CLEC7A: variants seen among roughly 807,000 people sequenced by gnomAD.
The protein encoded by CLEC7A is C-type lectin domain family 7 member A.
Under a neutral mutation model 26.9 loss-of-function variants are expected in CLEC7A, and 25 were observed. The observed-to-expected ratio is 0.93, with a 90% CI of 0.68 to 1.30. The LOEUF is 1.30. Among genes scored for constraint, CLEC7A ranks in the 50% most tolerant of loss-of-function variants. CLEC7A has a pLI of 0.00. For missense variants in CLEC7A, 275 were observed against 286.7 expected, an observed-to-expected ratio of 0.96 and a Z score of 0.29; for synonymous variants, 100 against 99.5, an observed-to-expected ratio of 1.01 and a Z score of -0.03.
At chr12:10,128,275 G>C (rs942430129) in intron 1 of CLEC7A, among the ~76,000 whole-genome samples, 25 of 149,596 alleles carry the variant, frequency 1.7e-4, no homozygotes, top group Admixed American at 1.3e-3. Flanking sequence ...AAAAATACTG[G>C]CAAATTTTTA....
chr12:10,118,555 G>A lies in CLEC7A; in HGVS notation c.647C>T (p.Pro216Leu). The change falls in exon 6 of 6, where the codon CCA (proline) becomes CTA (leucine). Residue 216 changes from proline to leucine, a missense_variant. Coordinates refer to ENST00000304084, the MANE Select transcript of CLEC7A (RefSeq NM_197947.3). The stretch of plus-strand genomic sequence containing the variant: ...GTGAATCCATACACAATTTGGAGAT[G>A]GGTTTTCTTGGGTAGCTGTGGTTCT... ...QIRTTATQEN[P>L]SPNCVWIHVS... 2 of 1,613,282 alleles carry A rather than the reference G, an allele frequency of 1.2e-6. No individual in the cohort carries two copies. The highest frequency in any genetic ancestry group is 4.5e-5 in the East Asian group (2 of 44,848).
In CLEC7A at chr12:10,124,440, T is replaced by A. The variant is rs181829809; in HGVS notation, c.492+857A>T. On this transcript the variant is annotated intron_variant, in intron 4 of 5. Coordinates refer to ENST00000304084, the MANE Select transcript of CLEC7A (RefSeq NM_197947.3). ...GATGTGTTATAAGTGCCACTTTTTCTGAAAACTTCTTAGGAACACGGGGAT... is the reference window on the plus strand; with the variant it reads ...GATGTGTTATAAGTGCCACTTTTTCAGAAAACTTCTTAGGAACACGGGGAT... Among the ~76,000 whole-genome samples the A allele has an allele frequency of 4.6e-5, 7 of 152,342 alleles. No individual in the cohort carries two copies. The East Asian group carries it at 1.3e-3, about 29-fold the overall frequency.
intron 3 of CLEC7A, 88 bp from the exon 4 acceptor site, chr12:10,125,536 G>T: frequency 9.1e-7 from 1 of 1,094,286 alleles, no homozygotes; most frequent in Non-Finnish European, 1.2e-6. Context: ...GGACACTTAT[G>T]AAATAACCAA....
intron 2 of CLEC7A, chr12:10,126,972 G>T: frequency 9.0e-7 from 1 of 1,109,528 alleles, no homozygotes; most frequent in South Asian, 1.7e-5. Flanking sequence ...AATGAGGGAG[G>T]CAGCAAGAGG....
At chr12:10,125,216 A>G in intron 4 of CLEC7A, 81 bp downstream of exon 4, 1 of 1,366,706 alleles carries the variant, frequency 7.3e-7, no homozygotes, top group East Asian at 2.3e-5. Flanking sequence ...ATTTTAGGAA[A>G]AATTGTCATT....
At chr12:10,126,907 G>A in intron 2 of CLEC7A, 199 bp from the exon 3 acceptor site, 1 of 639,186 alleles carries the variant, frequency 1.6e-6, no homozygotes, top group South Asian at 2.9e-5. Flanking sequence ...TTATAAAGGA[G>A]GTATAGTAAA....
At chr12:10,119,911 G>A (rs2137411182) in intron 5 of CLEC7A, among the ~76,000 whole-genome samples, 1 of 151,640 alleles carries the variant, frequency 6.6e-6, no homozygotes, top group Non-Finnish European at 1.5e-5. Context: ...AACAACTATG[G>A]TTAGTGTATT....
chr12:10,125,152 G>C, intron 4 of CLEC7A, 145 bp downstream of exon 4: 1 of 806,914 alleles, frequency 1.2e-6, no homozygotes, highest in Non-Finnish European at 2.0e-6. Flanking sequence ...CTGCACTCTA[G>C]CTTGGGCAAC....
chr12:10,122,410 A>G (rs1948115242), intron 5 of CLEC7A, among the ~76,000 whole-genome samples: 1 of 152,144 alleles, frequency 6.6e-6, no homozygotes, highest in Non-Finnish European at 1.5e-5. Flanking sequence ...AACTATGTAC[A>G]AGACACTGTG....
chr12:10,127,270 T>A, intron 2 of CLEC7A: 1 of 1,443,326 alleles, frequency 6.9e-7, no homozygotes, highest in East Asian at 2.3e-5. Flanking sequence ...CAAAGGTGTT[T>A]ATATTAAAGA....
intron 4 of CLEC7A, 98 bp downstream of exon 4, chr12:10,125,199 A>T: frequency 9.2e-7 from 1 of 1,090,494 alleles, no homozygotes; most frequent in Non-Finnish European, 1.3e-6. Context: ...AAAAAAAAAA[A>T]GACTTCATTT....
Position 10,118,176 on chromosome 12 carries a change from A to C in CLEC7A, c.*282T>G. ...AGCCTGGGTAACAAAGTGAGACCCT[A>C]TCTCAAAAAAATAAATAAATAAAAA... On this transcript the variant is annotated 3_prime_UTR_variant, in exon 6 of 6. Coordinates refer to ENST00000304084, the MANE Select transcript of CLEC7A (RefSeq NM_197947.3). 3.4e-6 allele frequency: 1 copy of C among 297,036 alleles called. No individual in the cohort carries two copies. Among genetic ancestry groups the C allele is most frequent in the Admixed American group, 5.5e-5 (1 of 18,126 alleles). 18.4% of individuals were successfully genotyped at this position (297,036 alleles called of 1,614,324 possible).
intron 1 of CLEC7A, among the ~76,000 whole-genome samples, 165 bp from the exon 2 acceptor site, chr12:10,128,010 A>G (rs1480446264): frequency 6.6e-6 from 1 of 151,408 alleles, no homozygotes; most frequent in African/African-American, 2.4e-5. Flanking sequence ...CAGAAGCTCA[A>G]GACCAGCCTG....
intron 4 of CLEC7A, among the ~76,000 whole-genome samples, chr12:10,123,685 C>T (rs943581004): frequency 1.4e-5 from 2 of 138,408 alleles, no homozygotes; most frequent in South Asian, 2.2e-4. Flanking sequence ...GGCATGAACC[C>T]GGGAAGCGGA....
upstream of CLEC7A, chr12:10,130,202 C>T: frequency 5.4e-6 from 3 of 550,480 alleles, no homozygotes; most frequent in Non-Finnish European, 9.9e-6. Flanking sequence ...TAGGTACTTA[C>T]CGGAGTTTAA....
chr12:10,121,170 G>A (rs58924693), intron 5 of CLEC7A, among the ~76,000 whole-genome samples: 23,210 of 151,730 alleles, frequency 0.15, 2,698 homozygotes, highest in African/African-American at 0.33. Flanking sequence ...GTCAGTTAAT[G>A]TTAGTCTTTG....
intron 5 of CLEC7A, among the ~76,000 whole-genome samples, chr12:10,120,765 T>C (rs1474477249): frequency 1.3e-5 from 2 of 150,346 alleles, no homozygotes; most frequent in Non-Finnish European, 3.0e-5. Flanking sequence ...TTCTTTTTTT[T>C]TTTTTTTAAT....
At chr12:10,123,532 C>A (rs201574007) in intron 4 of CLEC7A, among the ~76,000 whole-genome samples, 169 bp from the exon 5 acceptor site, 1 of 151,802 alleles carries the variant, frequency 6.6e-6, no homozygotes, top group African/African-American at 2.4e-5. Flanking sequence ...GAGGCCGAGG[C>A]GGGTAGATCA....
At chr12:10,122,484 C>CTTTTTTTTTTTTTTT (rs143612827) in intron 5 of CLEC7A, among the ~76,000 whole-genome samples, 67 of 128,752 alleles carry the variant, frequency 5.2e-4, no homozygotes, top group African/African-American at 9.4e-4. Flanking sequence ...TTCTTTTTTT[C>CTTTTTTTTTTTTTTT]TTTTTTTTTT....
Sources: gnomAD v4.1 joint callset for allele counts (sites outside exome capture counted in the v4.1 genomes callset) on GRCh38, gnomAD v4.1.1 for gene constraint, MANE v1.5 for transcripts, NCBI Gene and HGNC (gene_info 2026-07-23, HGNC 2026-07-21) for gene names.